The following UNC80 variants were observed in gnomAD, a reference collection of about 807,000 sequenced individuals.
UNC80 encodes the protein protein unc-80 homolog.
In UNC80, 164 loss-of-function variants were observed where a neutral mutation model predicts 384.6. The observed-to-expected ratio is 0.43, with a 90% CI of 0.38 to 0.49. The LOEUF (loss-of-function observed/expected upper bound fraction) is 0.49. UNC80 is among the 20% of genes least tolerant of loss of function. The pLI, the probability that UNC80 is intolerant of heterozygous loss-of-function variation, is 0.00. For missense variants in UNC80, 3,330 were observed against 4,143.0 expected (o/e 0.80, Z 5.39); for synonymous variants, 1,486 against 1,527.8 (o/e 0.97, Z 0.64).
chr2:209,793,138 C>T (rs2077930880), intron 6 of UNC80, among the ~76,000 whole-genome samples: 1 of 152,172 alleles, frequency 6.6e-6, no homozygotes, highest in African/African-American at 2.4e-5. Flanking sequence ...TCTCACATCA[C>T]CTGGGCAGAA....
intron 53 of UNC80, 168 bp downstream of exon 53, chr2:209,970,059 T>G: frequency 2.3e-6 from 2 of 876,898 alleles, no homozygotes; most frequent in Non-Finnish European, 3.4e-6. Context: ...AGGTGGTGTG[T>G]GGGGAGATCC....
chr2:209,817,918 C>T lies in UNC80; in HGVS notation c.1659C>T (p.Pro553=). 6.4e-7 allele frequency: 1 copy of T among 1,551,640 alleles called. No individual in the cohort carries two copies. Among genetic ancestry groups the T allele is most frequent in the Non-Finnish European group, 8.7e-7 (1 of 1,146,990 alleles). ...HHTLVSDLPD[P]SNSHGENTVK... is the part of the protein sequence containing the mutation. ...CCCTGGTAAGCGACCTGCCGGACCC[C>T]TCCAACAGCCATGGAGAAAACACCG... Residue 553 remains proline, a synonymous_variant, in exon 11 of 65, where the codon CCC becomes CCT. Coordinates refer to ENST00000673920, the MANE Select transcript of UNC80 (RefSeq NM_001371986.1).
rs1275009537 is a variant in UNC80 at position 209,793,821 on chromosome 2, C to T, written c.900C>T (p.Ser300=). 1 of 1,614,076 alleles carries T rather than the reference C, an allele frequency of 6.2e-7. No homozygotes were observed. Among genetic ancestry groups the T allele is most frequent in the Non-Finnish European group, 8.5e-7 (1 of 1,179,960 alleles). ...GAAACTCCTTTGATGGAAGTCTGTC[C>T]TCCCAAACTTCCCAGGAAAGAGGCC... is the stretch of plus-strand genomic sequence containing the variant. The part of the protein sequence containing the change: ...HRGNSFDGSL[S]SQTSQERGPS... The change falls in exon 7 of 65, where the codon TCC becomes TCT. Residue 300 remains serine, a synonymous_variant. Coordinates refer to ENST00000673920, the MANE Select transcript of UNC80 (RefSeq NM_001371986.1).
chr2:209,937,644 T>A lies in UNC80; in HGVS notation c.6465+14T>A. On this transcript the variant is annotated intron_variant, in intron 42 of 64. Transcript: ENST00000673920. Reference sequence around the variant, plus strand: ...ATTCAGAAACAGGTGACAGACCACGTCAGTTTTATTCCATGGTTTTGTCAT... The same window carrying A: ...ATTCAGAAACAGGTGACAGACCACGACAGTTTTATTCCATGGTTTTGTCAT... 1 of 1,520,202 alleles carries A rather than the reference T, an allele frequency of 6.6e-7. No homozygotes were observed. Among genetic ancestry groups the A allele is most frequent in the Non-Finnish European group, 8.9e-7 (1 of 1,118,082 alleles). The allele number at this position is 1,520,202 out of a possible 1,614,324, so 94.2% of individuals were successfully genotyped here.
At chr2:209,799,913 A>C (rs972860847) in intron 7 of UNC80, among the ~76,000 whole-genome samples, 3 of 152,188 alleles carry the variant, frequency 2.0e-5, no homozygotes, top group African/African-American at 7.2e-5. Flanking sequence ...CTTCCCAGTG[A>C]TGAAGCCAAC....
At position 209,777,488 on chromosome 2, in the gene UNC80, A is replaced by G; in HGVS notation, c.529A>G (p.Ile177Val). ...NDEEENNRRK[I>V]FQNSMATVEL... ...CGAAGAAGAGAACAACCGAAGAAAGATCTTCCAGAACTCCATGGCTACTGT... is the reference window on the plus strand; with the variant it reads ...CGAAGAAGAGAACAACCGAAGAAAGGTCTTCCAGAACTCCATGGCTACTGT... Residue 177 changes from isoleucine (I) to valine (V), a missense_variant, in exon 4 of 65, where the codon ATC becomes GTC. Ile to Val is a conservative substitution (Grantham distance 29, BLOSUM62 3). This residue lies in a region of UNC80 where 937 missense variants were observed against 1,026.8 expected (regional missense o/e 0.91). Transcript: ENST00000673920. 6.2e-7 allele frequency: 1 copy of G among 1,614,168 alleles called. No homozygotes were observed. The highest frequency in any genetic ancestry group is 8.5e-7 in the Non-Finnish European group (1 of 1,180,024).
intron 48 of UNC80, among the ~76,000 whole-genome samples, chr2:209,955,351 C>G (rs551369143): frequency 2.5e-4 from 38 of 152,034 alleles, no homozygotes; most frequent in Non-Finnish European, 4.7e-4. Flanking sequence ...TTAGCAGCAA[C>G]AGATGTTTAG....
intron 51 of UNC80, among the ~76,000 whole-genome samples, chr2:209,966,837 G>C (rs551369196): frequency 1.3e-5 from 2 of 152,268 alleles, no homozygotes; most frequent in African/African-American, 4.8e-5. Flanking sequence ...AGAGAGAAAG[G>C]ATCCATGTAT....
intron 16 of UNC80, 126 bp downstream of exon 16, chr2:209,831,717 A>C (rs2080982941): frequency 4.5e-6 from 5 of 1,111,182 alleles, no homozygotes; most frequent in African/African-American, 1.6e-5. Context: ...TTAAATATCT[A>C]TTTTCCCCGG....
At chr2:209,986,122 A>G (rs1053314799) in intron 61 of UNC80, among the ~76,000 whole-genome samples, 3 of 152,232 alleles carry the variant, frequency 2.0e-5, no homozygotes, top group Non-Finnish European at 4.4e-5. Context: ...ACAGTCCTCA[A>G]GAGGGCTTCC....
chr2:209,972,624 T>C (rs2092913230), intron 55 of UNC80, among the ~76,000 whole-genome samples: 1 of 152,222 alleles, frequency 6.6e-6, no homozygotes, highest in Non-Finnish European at 1.5e-5. Context: ...TGAAGTACAA[T>C]ATAAGAATTG....
chr2:209,925,745 G>A (rs1029963607), intron 35 of UNC80, among the ~76,000 whole-genome samples: 3 of 152,128 alleles, frequency 2.0e-5, no homozygotes, highest in African/African-American at 7.2e-5. Flanking sequence ...CCTGATTGGT[G>A]CATTTACAAT....
intron 4 of UNC80, among the ~76,000 whole-genome samples, chr2:209,783,650 T>C (rs1022913208): frequency 3.3e-5 from 5 of 152,150 alleles, no homozygotes; most frequent in African/African-American, 1.2e-4. Flanking sequence ...TGCTGTGTCA[T>C]GCTAATAGAT....
At chr2:209,779,384 G>C (rs1456698878) in intron 4 of UNC80, among the ~76,000 whole-genome samples, 1 of 152,084 alleles carries the variant, frequency 6.6e-6, no homozygotes, top group Non-Finnish European at 1.5e-5. Flanking sequence ...TTTTCACATA[G>C]CCATGTACTT....
chr2:209,906,405 A>G (rs2088214409), intron 29 of UNC80, among the ~76,000 whole-genome samples: 2 of 152,256 alleles, frequency 1.3e-5, no homozygotes, highest in South Asian at 4.1e-4. Flanking sequence ...TTCTAAATGT[A>G]TGTGTGAGGG....
At position 209,772,025 on chromosome 2, in the gene UNC80, G is replaced by C. The variant is rs2076600294; in HGVS notation, c.-48G>C. The C allele has an allele frequency of 2.1e-6, 3 of 1,404,246 alleles. No individual in the cohort carries two copies. Among genetic ancestry groups the C allele is most frequent in the African/African-American group, 1.4e-5 (1 of 69,844 alleles). 87.0% of individuals were successfully genotyped at this position (1,404,246 alleles called of 1,614,324 possible). ...GGAGGAGGCGGCGGCGGCGGCTAGC[G>C]AGGAGACAGAGCTGGGTCCTGCAGT... On this transcript the variant is annotated 5_prime_UTR_variant, in exon 1 of 65. Transcript: ENST00000673920.
chr2:209,778,628 C>T (rs1239011469), intron 4 of UNC80, among the ~76,000 whole-genome samples: 1 of 152,176 alleles, frequency 6.6e-6, no homozygotes, highest in African/African-American at 2.4e-5. Flanking sequence ...GTTGATATTA[C>T]TTAACCCCTC....
chr2:209,800,399 G>A (rs2078464090), intron 7 of UNC80, among the ~76,000 whole-genome samples: 1 of 151,474 alleles, frequency 6.6e-6, no homozygotes, highest in South Asian at 2.1e-4. Context: ...GGGGTCATTG[G>A]TGATATCCCC....
chr2:209,931,076 C>T (rs767781855), intron 38 of UNC80, 22 bp downstream of exon 38: 1 of 1,496,588 alleles, frequency 6.7e-7, no homozygotes, highest in South Asian at 1.2e-5. Flanking sequence ...ATGTTCATTT[C>T]CAATTACGAA....
Sources: gnomAD v4.1 joint callset for allele counts (sites outside exome capture counted in the v4.1 genomes callset) on GRCh38, gnomAD v4.1.1 for gene constraint, gnomAD v4.1.1 regional missense constraint, MANE v1.5 for transcripts, NCBI Gene and HGNC (gene_info 2026-07-23, HGNC 2026-07-21) for gene names.